Variants in ZFC3H1 observed in about 807,000 individuals in gnomAD.
ZFC3H1 encodes the protein zinc finger C3H1-type containing.
A neutral mutation model predicts 243.7 loss-of-function variants in ZFC3H1; 71 were observed. The observed-to-expected ratio is 0.29, with a 90% CI of 0.24 to 0.36. The LOEUF is 0.36. Ranked by LOEUF, ZFC3H1 falls within the 10% of genes least tolerant of loss-of-function variation. The pLI, the probability that ZFC3H1 is intolerant of heterozygous loss-of-function variation, is 1.00. For missense variants in ZFC3H1, 1,966 were observed against 2,317.1 expected (o/e 0.85, Z 3.11); for synonymous variants, 838 against 813.0 (o/e 1.03, Z -0.52).
intron 30 of ZFC3H1, 165 bp from the exon 31 acceptor site, chr12:71,613,600 G>T: frequency 2.0e-6 from 1 of 496,580 alleles, no homozygotes; most frequent in Non-Finnish European, 3.6e-6. Context: ...TTTTATTAGT[G>T]ACTTTCCAAA....
chr12:71,648,622 T>C (rs1002668894), intron 2 of ZFC3H1, among the ~76,000 whole-genome samples: 8 of 152,202 alleles, frequency 5.3e-5, no homozygotes, highest in African/African-American at 1.9e-4. Context: ...ACATCCTAAT[T>C]TGACTGCTCA....
At chr12:71,644,070 G>T (rs1281134769) in intron 5 of ZFC3H1, 25 bp downstream of exon 5, 2 of 1,583,942 alleles carry the variant, frequency 1.3e-6, no homozygotes, top group Non-Finnish European at 1.7e-6. Context: ...GTAACGTTTT[G>T]ATTTTATATT....
intron 24 of ZFC3H1, among the ~76,000 whole-genome samples, chr12:71,621,473 T>C (rs897659520): frequency 1.3e-5 from 2 of 152,090 alleles, no homozygotes; most frequent in African/African-American, 4.8e-5. Context: ...CCGACTAGTT[T>C]TTGTATTTTT....
In ZFC3H1 at chr12:71,663,682, C is replaced by T. The variant is rs1881259103; in HGVS notation, c.-72G>A. 8.5e-6 allele frequency: 13 copies of T among 1,529,934 alleles called. No homozygotes were observed. The Admixed American group carries it at 1.6e-4, about 19-fold the overall frequency. The allele number at this position is 1,529,934 out of a possible 1,614,324, so 94.8% of individuals were successfully genotyped here. ...TCCGCCCGACAATTGCCTCGTTTCC[C>T]TTCTTTCCTAACGGACTGGGTCGGT... On this transcript the variant is annotated 5_prime_UTR_variant, in exon 1 of 35. Transcript: ENST00000378743.
chr12:71,633,126 T>A, intron 13 of ZFC3H1, 109 bp from the exon 14 acceptor site: 2 of 1,397,792 alleles, frequency 1.4e-6, no homozygotes, highest in Non-Finnish European at 1.9e-6. Context: ...ATAAAAATAT[T>A]CCAATATTAT....
chr12:71,625,551 G>A (rs934895190), intron 22 of ZFC3H1, among the ~76,000 whole-genome samples: 6 of 152,026 alleles, frequency 3.9e-5, no homozygotes, highest in African/African-American at 1.5e-4. Context: ...AACTATCCAG[G>A]CATGGTAGCA....
chr12:71,635,062 A>C (rs984767698), intron 10 of ZFC3H1, among the ~76,000 whole-genome samples: 12 of 152,174 alleles, frequency 7.9e-5, no homozygotes, highest in Non-Finnish European at 7.4e-5. Flanking sequence ...TCACAGCTAA[A>C]CAACTACTGA....
In ZFC3H1 at chr12:71,609,873, G is replaced by GCATT. The variant is rs1306359862; in HGVS notation, c.*551_*554dup. Reference sequence around the variant, plus strand: ...AAGGGTAATAAACAACCCTGATAGAGCATTCAAGTGCAACTAGCAGACTTG... The same window carrying GCATT: ...AAGGGTAATAAACAACCCTGATAGAGCATTCATTCAAGTGCAACTAGCAGACTTG... On this transcript the variant is annotated 3_prime_UTR_variant, in exon 35 of 35. Coordinates refer to ENST00000378743, the MANE Select transcript of ZFC3H1 (RefSeq NM_144982.5). 6.5e-6 allele frequency: 1 copy of GCATT among 152,698 alleles called. No individual in the cohort carries two copies. Among genetic ancestry groups the GCATT allele is most frequent in the East Asian group, 1.9e-4 (1 of 5,182 alleles). The allele number at this position is 152,698 out of a possible 1,614,324, so 9.5% of individuals were successfully genotyped here. A position where few individuals can be genotyped will look rare whatever the true frequency, so the allele number is the denominator to read the frequency against.
intron 2 of ZFC3H1, chr12:71,656,667 T>C: frequency 1.5e-5 from 9 of 587,760 alleles, no homozygotes; most frequent in Non-Finnish European, 2.6e-5. Flanking sequence ...TAACATTCTA[T>C]TATAGAGGCC....
Position 71,657,078 on chromosome 12 carries a change from A to G in ZFC3H1, c.822T>C (p.Asn274=). The G allele has an allele frequency of 6.2e-7, 1 of 1,613,886 alleles. No individual in the cohort carries two copies. The highest frequency in any genetic ancestry group is 1.1e-5 in the South Asian group (1 of 91,076). ...LNFEDQTSTD[N]VSITKDSSKE... is the part of the protein sequence containing the mutation. Reference sequence around the variant, plus strand: ...TACTTGAATCCTTTGTAATACTGACATTATCAGTGCTAGTTTGGTCCTCGA... The same window carrying G: ...TACTTGAATCCTTTGTAATACTGACGTTATCAGTGCTAGTTTGGTCCTCGA... The change falls in exon 2 of 35, where the codon AAT becomes AAC. Residue 274 remains asparagine, a synonymous_variant. Transcript: ENST00000378743.
In ZFC3H1 at chr12:71,631,761, G is replaced by C; in HGVS notation, c.3470+17C>G. The stretch of plus-strand genomic sequence containing the variant: ...AGAAATCCTGAAATTCAAGCTTATT[G>C]AATCTTTCTTTTATACCTGTAGGAC... On this transcript the variant is annotated intron_variant, in intron 16 of 34. Transcript: ENST00000378743. 6 of 1,552,146 alleles carry C rather than the reference G, an allele frequency of 3.9e-6. No homozygotes were observed. Among genetic ancestry groups the C allele is most frequent in the South Asian group, 2.4e-5 (2 of 83,118 alleles).
intron 19 of ZFC3H1, 51 bp downstream of exon 19, chr12:71,629,556 TAC>T (rs35067681): frequency 0.15 from 102,917 of 686,546 alleles, 4,629 homozygotes; most frequent in African/African-American, 0.39. Context: ...AGAGATACAG[TAC>T]ACACACACAC....
In ZFC3H1 at chr12:71,619,870, A is replaced by G. The variant is rs1879981516; in HGVS notation, c.5049+56T>C. ...CAGGAAACACTTCCTGGTGAGGCCA[A>G]TAGCAAAATTTGAAACATAAAAGCA... On this transcript the variant is annotated intron_variant, in intron 26 of 34. Transcript: ENST00000378743. 5 of 1,517,032 alleles carry G rather than the reference A, an allele frequency of 3.3e-6. No individual in the cohort carries two copies. In the South Asian group the frequency reaches 5.2e-5, roughly 16 times the overall value. 94.0% of individuals were successfully genotyped at this position (1,517,032 alleles called of 1,614,324 possible). A position where few individuals can be genotyped will look rare whatever the true frequency, so the allele number is the denominator to read the frequency against.
intron 1 of ZFC3H1, among the ~76,000 whole-genome samples, chr12:71,662,563 T>C (rs934086796): frequency 1.4e-5 from 2 of 138,214 alleles, no homozygotes; most frequent in Non-Finnish European, 3.0e-5. Flanking sequence ...ACAAAAATAG[T>C]GCAGGACTGT....
chr12:71,644,804 G>GC (rs1309440249), intron 4 of ZFC3H1, 73 bp downstream of exon 4: 7 of 1,533,186 alleles, frequency 4.6e-6, no homozygotes, highest in Non-Finnish European at 6.2e-6. Flanking sequence ...GGCGACAAGA[G>GC]CAAAACTCTG....
Position 71,663,257 on chromosome 12 carries a change from C to T in ZFC3H1, c.354G>A (p.Arg118=). Residue 118 remains arginine (R), a synonymous_variant, in exon 1 of 35, where the codon CGG becomes CGA. Transcript: ENST00000378743. ...TTTCGGACAGTGAGCTCGAAGGCATCCGTACAGAAGGCGGATGAGACCGGA... is the reference window on the plus strand; with the variant it reads ...TTTCGGACAGTGAGCTCGAAGGCATTCGTACAGAAGGCGGATGAGACCGGA... ...EPFRSHPPSV[R]MPSSSLSESS... 3 of 1,613,768 alleles carry T rather than the reference C, an allele frequency of 1.9e-6. No homozygotes were observed. The highest frequency in any genetic ancestry group is 2.5e-6 in the Non-Finnish European group (3 of 1,180,050).
rs777771122 is a variant in ZFC3H1 at position 71,610,272 on chromosome 12, C to T, written c.*156G>A. On this transcript the variant is annotated 3_prime_UTR_variant, in exon 35 of 35. Coordinates refer to ENST00000378743, the MANE Select transcript of ZFC3H1 (RefSeq NM_144982.5). ...CGAAGAGGATCATGTTCATTGCTTC[C>T]GGTTTTGAGGACAGGATATTGTAGG... The T allele has an allele frequency of 6.0e-5, 52 of 868,260 alleles. No individual in the cohort carries two copies. The highest frequency in any genetic ancestry group is 8.4e-5 in the Non-Finnish European group (49 of 582,082). The allele number at this position is 868,260 out of a possible 1,614,324, so 53.8% of individuals were successfully genotyped here.
At chr12:71,635,785 ATAAT>A (rs1217559877) in intron 9 of ZFC3H1, among the ~76,000 whole-genome samples, 1 of 152,190 alleles carries the variant, frequency 6.6e-6, no homozygotes, top group Non-Finnish European at 1.5e-5. Flanking sequence ...TTTCTATTCT[ATAAT>A]TACTCTCATT....
rs563129375 is a variant in ZFC3H1, at chr12:71,618,290, AC to A, written c.5144+1024del. Among the ~76,000 whole-genome samples, 679 of 149,506 alleles carry A rather than the reference AC, an allele frequency of 4.5e-3. 5 individuals are homozygous for A. The highest frequency in any genetic ancestry group is 0.016 in the African/African-American group (653 of 41,166). On this transcript the variant is annotated intron_variant, in intron 27 of 34. Transcript: ENST00000378743. Reference sequence around the variant, plus strand: ...CTTAAAATAAAATTAAAAAAAAAAAACAAAAACAAAAAACAAGTTCTAGGTT... The same window carrying A: ...CTTAAAATAAAATTAAAAAAAAAAAAAAAAACAAAAAACAAGTTCTAGGTT...
Sources: gnomAD v4.1 joint callset for allele counts (sites outside exome capture counted in the v4.1 genomes callset) on GRCh38, gnomAD v4.1.1 for gene constraint, MANE v1.5 for transcripts, NCBI Gene and HGNC (gene_info 2026-07-23, HGNC 2026-07-21) for gene names.